The following CEP350 variants were observed in gnomAD, a reference collection of about 807,000 sequenced individuals.
CEP350 encodes centrosome-associated protein 350.
Under a neutral mutation model 331.8 loss-of-function variants are expected in CEP350, and 126 were observed. That is an observed-to-expected ratio of 0.38 (90% CI 0.33 to 0.44). The LOEUF is 0.44. Among genes scored for constraint, CEP350 ranks in the 20% least tolerant of loss-of-function variants. CEP350 has a pLI of 1.00. For missense variants in CEP350, 3,406 were observed against 3,634.6 expected (o/e 0.94, Z 1.62); for synonymous variants, 1,200 against 1,259.5 (o/e 0.95, Z 1.00).
intron 14 of CEP350, among the ~76,000 whole-genome samples, chr1:180,027,949 A>C (rs982845924): frequency 1.3e-5 from 2 of 152,196 alleles, no homozygotes; most frequent in Non-Finnish European, 2.9e-5. Flanking sequence ...GTCCAATGAG[A>C]ATGCTAGGAG....
At chr1:179,961,394 G>C (rs972568370) in intron 1 of CEP350, among the ~76,000 whole-genome samples, 1 of 152,124 alleles carries the variant, frequency 6.6e-6, no homozygotes, top group African/African-American at 2.4e-5. Context: ...GTTGCAGTGA[G>C]CCGAGATCGC....
chr1:179,963,156 G>GT (rs1480756049), intron 1 of CEP350, among the ~76,000 whole-genome samples: 1 of 151,870 alleles, frequency 6.6e-6, no homozygotes, highest in Non-Finnish European at 1.5e-5. Flanking sequence ...TTTTAATGGA[G>GT]TTATTTTTTT....
chr1:179,999,992 G>A (rs563687787), intron 6 of CEP350, among the ~76,000 whole-genome samples: 1 of 152,242 alleles, frequency 6.6e-6, no homozygotes, highest in African/African-American at 2.4e-5. Flanking sequence ...AAGATAAAGA[G>A]CCTATCTTGG....
At chr1:180,041,888 C>A in intron 19 of CEP350, 86 bp downstream of exon 19, 2 of 1,233,480 alleles carry the variant, frequency 1.6e-6, no homozygotes, top group Non-Finnish European at 2.3e-6. Context: ...TTTCTAATAT[C>A]TTAGTAAATG....
chr1:180,109,738 C>T (rs1305215141), intron 37 of CEP350, among the ~76,000 whole-genome samples: 1 of 152,170 alleles, frequency 6.6e-6, no homozygotes, highest in Non-Finnish European at 1.5e-5. Flanking sequence ...TGGGTTCAAG[C>T]GATTCTCCTG....
chr1:180,099,775 A>G (rs1433332500), intron 37 of CEP350, among the ~76,000 whole-genome samples: 3 of 124,216 alleles, frequency 2.4e-5, no homozygotes, highest in Non-Finnish European at 4.9e-5. Context: ...CTTATGCCTT[A>G]TTTGATTTTT....
rs1255599062 is a variant in CEP350, at chr1:180,062,357, G to C, written c.5400G>C (p.Glu1800Asp). The change falls in exon 26 of 38, where the codon GAG becomes GAC. Residue 1800 changes from glutamate to aspartate, a missense_variant. Around this residue, in one of 5 missense-constraint regions of CEP350, gnomAD observed 1,415 missense variants for 1,512.3 expected, o/e 0.94. Coordinates refer to ENST00000367607, the MANE Select transcript of CEP350 (RefSeq NM_014810.5). Reference sequence around the variant, plus strand: ...AGGAGAAATTGAAGTCTGCAGGGGAGAGTAAATTGGTAAACTACATGAAGT... The same window carrying C: ...AGGAGAAATTGAAGTCTGCAGGGGACAGTAAATTGGTAAACTACATGAAGT... ...KLQEKLKSAG[E>D]SKLDSHSDDD... 1.3e-5 allele frequency: 21 copies of C among 1,594,598 alleles called. No homozygotes were observed. Among genetic ancestry groups the C allele is most frequent in the Non-Finnish European group, 1.8e-5 (21 of 1,170,962 alleles).
At chr1:180,004,910 T>G (rs12083362) in intron 7 of CEP350, among the ~76,000 whole-genome samples, 532 of 42,690 alleles carry the variant, frequency 0.012, 6 homozygotes, top group East Asian at 0.097. Context: ...TTGCTTGCTT[T>G]CTTTCTTTCT....
chr1:180,060,421 A>G (rs1056382561), intron 25 of CEP350, among the ~76,000 whole-genome samples: 17 of 152,222 alleles, frequency 1.1e-4, no homozygotes, highest in Non-Finnish European at 4.4e-5. Context: ...GGCCAAAGAC[A>G]GATCACTTGA....
At chr1:179,955,475 C>CT in intron 1 of CEP350, among the ~76,000 whole-genome samples, 1 of 152,308 alleles carries the variant, frequency 6.6e-6, no homozygotes, top group Middle Eastern at 3.4e-3. Flanking sequence ...ATCTGGCGAT[C>CT]AGGCGTATTT....
At position 180,093,016 on chromosome 1, in the gene CEP350, C is replaced by T; in HGVS notation, c.6911C>T (p.Pro2304Leu). The change falls in exon 34 of 38, where the codon CCT becomes CTT. Residue 2304 changes from proline (P) to leucine (L), a missense_variant. By Grantham distance (98) the Pro-to-Leu change is moderately conservative. This residue lies in a region of CEP350 where 1,415 missense variants were observed against 1,512.3 expected (regional missense o/e 0.94). Coordinates refer to ENST00000367607, the MANE Select transcript of CEP350 (RefSeq NM_014810.5). ...SSEILSKKDL[P>L]LDSENVQKDL... is the part of the protein sequence containing the mutation. ...GAAATTCTTTCAAAGAAAGATCTTC[C>T]TTTAGATTCTGAAAATGTTCAGAAA... 2 of 1,604,822 alleles carry T rather than the reference C, an allele frequency of 1.2e-6. No individual in the cohort carries two copies. Among genetic ancestry groups the T allele is most frequent in the Non-Finnish European group, 8.5e-7 (1 of 1,175,010 alleles).
intron 21 of CEP350, among the ~76,000 whole-genome samples, chr1:180,045,832 G>C (rs911019786): frequency 1.4e-4 from 21 of 152,078 alleles, no homozygotes; most frequent in African/African-American, 4.8e-4. Context: ...ATTTAGCCTG[G>C]CATGAAAACT....
chr1:180,103,569 TTG>T (rs142177168), intron 37 of CEP350, among the ~76,000 whole-genome samples: 5 of 151,708 alleles, frequency 3.3e-5, no homozygotes, highest in African/African-American at 2.4e-5. Context: ...CCATTTAAGA[TTG>T]TGTGTGTGTG....
chr1:180,034,576 A>G (rs1656230084), intron 16 of CEP350, among the ~76,000 whole-genome samples: 1 of 151,732 alleles, frequency 6.6e-6, no homozygotes, highest in Non-Finnish European at 1.5e-5. Flanking sequence ...CTGTGTCCAC[A>G]ATTTTGATAA....
chr1:179,959,754 AAAACAGAC>A (rs1309066263), intron 1 of CEP350, among the ~76,000 whole-genome samples: 1 of 152,244 alleles, frequency 6.6e-6, no homozygotes, highest in African/African-American at 2.4e-5. Context: ...ACTCTGGCTC[AAAACAGAC>A]AAACAAACAA....
chr1:180,084,779 G>T (rs189238263), intron 31 of CEP350, among the ~76,000 whole-genome samples: 2 of 152,096 alleles, frequency 1.3e-5, no homozygotes, highest in Non-Finnish European at 2.9e-5. Flanking sequence ...AGGCAGAATT[G>T]CTTGAAGCCA....
At chr1:180,075,848 T>G (rs1260922716) in intron 28 of CEP350, among the ~76,000 whole-genome samples, 1 of 151,804 alleles carries the variant, frequency 6.6e-6, no homozygotes, top group Non-Finnish European at 1.5e-5. Context: ...TCCCAGCTAC[T>G]TGGGAGACTG....
At chr1:180,090,152 C>T (rs76366285) in intron 32 of CEP350, among the ~76,000 whole-genome samples, 18,853 of 151,994 alleles carry the variant, frequency 0.12, 1,243 homozygotes, top group South Asian at 0.17. Context: ...GATGAACTTG[C>T]ATGTAAAAGT....
intron 37 of CEP350, among the ~76,000 whole-genome samples, chr1:180,106,662 G>T (rs542321801): frequency 6.6e-6 from 1 of 152,136 alleles, no homozygotes; most frequent in East Asian, 1.9e-4. Context: ...GGACTCCTGG[G>T]CTCAAGGGAT....
Sources: gnomAD v4.1 joint callset for allele counts (sites outside exome capture counted in the v4.1 genomes callset) on GRCh38, gnomAD v4.1.1 for gene constraint, gnomAD v4.1.1 regional missense constraint, MANE v1.5 for transcripts, NCBI Gene and HGNC (gene_info 2026-07-23, HGNC 2026-07-21) for gene names.